ACSBG1: variants seen among roughly 807,000 people sequenced by gnomAD.
The protein encoded by ACSBG1 is acyl-CoA synthetase bubblegum family member 1.
ACSBG1 carries 39 observed loss-of-function variants against 80.2 expected under a neutral mutation model. The ratio of observed to expected loss-of-function variants is 0.49; its 90% confidence interval spans 0.38 to 0.64. The LOEUF is 0.64. ACSBG1 is among the 30% of genes least tolerant of loss of function. The probability of loss-of-function intolerance (pLI) is 0.00; values close to 1 mark genes in which losing one functional copy is unlikely to be tolerated. For missense variants in ACSBG1, 828 were observed against 966.4 expected (o/e 0.86, Z 1.90); for synonymous variants, 392 against 379.5 (o/e 1.03, Z -0.38).
chr15:78,223,028 G>A (rs887315967), intron 1 of ACSBG1, among the ~76,000 whole-genome samples: 4 of 152,130 alleles, frequency 2.6e-5, no homozygotes, highest in Non-Finnish European at 5.9e-5. Flanking sequence ...CAGAATCTGG[G>A]CTGGCCTTAG....
chr15:78,228,977 T>TA (rs1371671203), intron 1 of ACSBG1, among the ~76,000 whole-genome samples: 4 of 152,208 alleles, frequency 2.6e-5, no homozygotes, highest in Admixed American at 1.3e-4. Flanking sequence ...ACCGACATTT[T>TA]AAAAAAATGT....
chr15:78,218,193 G>T (rs936737924), intron 1 of ACSBG1, among the ~76,000 whole-genome samples: 3 of 146,036 alleles, frequency 2.1e-5, no homozygotes, highest in African/African-American at 7.6e-5. Flanking sequence ...CTCAAGATAG[G>T]TAATTCTCTA....
chr15:78,217,304 T>C (rs78595901), intron 1 of ACSBG1, among the ~76,000 whole-genome samples: 263 of 152,338 alleles, frequency 1.7e-3, no homozygotes, highest in Admixed American at 3.0e-3. Flanking sequence ...ACCCTCACTT[T>C]ACAGATGAGG....
At chr15:78,183,667 G>A (rs2074971988) in intron 5 of ACSBG1, among the ~76,000 whole-genome samples, 1 of 152,208 alleles carries the variant, frequency 6.6e-6, no homozygotes. Context: ...AGGGATGGAA[G>A]CAAAAATTCT....
chr15:78,188,065 C>A (rs973437945), intron 5 of ACSBG1, among the ~76,000 whole-genome samples: 15 of 152,296 alleles, frequency 9.8e-5, no homozygotes, highest in African/African-American at 3.6e-4. Context: ...TGCGTGAACT[C>A]CCATTCACAA....
intron 5 of ACSBG1, among the ~76,000 whole-genome samples, chr15:78,191,241 A>G (rs373386943): frequency 1.4e-4 from 21 of 152,256 alleles, no homozygotes; most frequent in African/African-American, 4.8e-4. Flanking sequence ...GCCTAATAAC[A>G]GAGCTCCAAA....
intron 2 of ACSBG1, among the ~76,000 whole-genome samples, chr15:78,195,887 GCAGA>G (rs1161861791): frequency 6.6e-6 from 1 of 152,166 alleles, no homozygotes; most frequent in Non-Finnish European, 1.5e-5. Flanking sequence ...CTTCCCTGAG[GCAGA>G]CAAATGAACT....
chr15:78,178,775 C>T lies in ACSBG1; in HGVS notation c.1541G>A (p.Gly514Asp), dbSNP rs1213070587. 1 of 1,614,024 alleles carries T rather than the reference C, an allele frequency of 6.2e-7. No homozygotes were observed. The change falls in exon 11 of 14, where the codon GGC becomes GAC. Residue 514 changes from glycine to aspartate, a missense_variant. Around this residue, in one of 3 missense-constraint regions of ACSBG1, gnomAD observed 271 missense variants for 375.9 expected, o/e 0.72. Coordinates refer to ENST00000258873, the MANE Select transcript of ACSBG1 (RefSeq NM_015162.5). The surrounding 1 kb of genome is among the most constrained non-coding windows in gnomAD (Gnocchi z 4.3). ...RVKLVNQDAEGIGEICLWGRT... is the reference protein window; with the variant it reads ...RVKLVNQDAEDIGEICLWGRT... Reference sequence around the variant, plus strand: ...GCCCCACAGGCAGATCTCGCCAATGCCCTCTGCGTCCTGGTTCACCAGCTT... The same window carrying T: ...GCCCCACAGGCAGATCTCGCCAATGTCCTCTGCGTCCTGGTTCACCAGCTT...
At position 78,180,807 on chromosome 15, in the gene ACSBG1, G is replaced by C; in HGVS notation, c.1201C>G (p.Leu401Val). Residue 401 changes from leucine (L) to valine (V), a missense_variant, in exon 9 of 14, where the codon CTG becomes GTG. Transcript: ENST00000258873. Reference sequence around the variant, plus strand: ...AAGGTCACCGACATGGCCCACAGCAGCATCTTTCGCCGGATGAAGCCAGAC... The same window carrying C: ...AAGGTCACCGACATGGCCCACAGCACCATCTTTCGCCGGATGAAGCCAGAC... ...AQSGFIRRKMLLWAMSVTLEQ... is the reference protein window; with the variant it reads ...AQSGFIRRKMVLWAMSVTLEQ... The C allele has an allele frequency of 6.2e-7, 1 of 1,614,226 alleles. No homozygotes were observed. The highest frequency in any genetic ancestry group is 8.5e-7 in the Non-Finnish European group (1 of 1,180,048).
At chr15:78,220,644 AAAACTGAG>A (rs1230722920) in intron 1 of ACSBG1, among the ~76,000 whole-genome samples, 1 of 152,266 alleles carries the variant, frequency 6.6e-6, no homozygotes, top group African/African-American at 2.4e-5. Flanking sequence ...TAATCCAGTT[AAAACTGAG>A]CAAAGGATTT....
chr15:78,228,058 C>G (rs1021723985), intron 1 of ACSBG1, among the ~76,000 whole-genome samples: 3 of 152,226 alleles, frequency 2.0e-5, no homozygotes, highest in Non-Finnish European at 4.4e-5. Flanking sequence ...CCACACCCAG[C>G]TGACATCTAA....
intron 5 of ACSBG1, among the ~76,000 whole-genome samples, chr15:78,184,348 CCT>C (rs1567082641): frequency 8.4e-6 from 1 of 119,760 alleles, no homozygotes; most frequent in Admixed American, 7.6e-5. Context: ...TTAAATTTTT[CCT>C]TTTTTTTTTT....
Position 78,172,845 on chromosome 15 carries a change from G to T in ACSBG1, c.2089+748C>A, listed in dbSNP as rs1034207606. On this transcript the variant is annotated intron_variant, in intron 13 of 13. Coordinates refer to ENST00000258873, the MANE Select transcript of ACSBG1 (RefSeq NM_015162.5). The surrounding 1 kb of genome is among the most constrained non-coding windows in gnomAD (Gnocchi z 4.1). ...TGCACCAGAGCCCTCTCCTGGTTCT[G>T]TGGGCAGTGGTCCGGAACAGCCTTA... 6.6e-6 allele frequency among the ~76,000 whole-genome samples: 1 copy of T among 152,220 alleles called. No homozygotes were observed. The highest frequency in any genetic ancestry group is 1.5e-5 in the Non-Finnish European group (1 of 68,034).
chr15:78,187,626 C>G (rs531564773), intron 5 of ACSBG1, among the ~76,000 whole-genome samples: 292 of 152,214 alleles, frequency 1.9e-3, no homozygotes, highest in Non-Finnish European at 3.6e-3. Context: ...ATTCAACAAC[C>G]CTTCATGATA....
In ACSBG1 at chr15:78,202,386, A is replaced by G. The variant is rs1447401940; in HGVS notation, c.232+5616T>C. Among the ~76,000 whole-genome samples, 3 of 151,754 alleles carry G rather than the reference A, an allele frequency of 2.0e-5. 1 individual carries two copies. The highest frequency in any genetic ancestry group is 4.2e-4 in the South Asian group (2 of 4,806). ...ACACCACGCCCAGCTAATTTTTTGT[A>G]TTTTAGTAGAGACGGGGTATCACTA... On this transcript the variant is annotated intron_variant, in intron 2 of 13. Coordinates refer to ENST00000258873, the MANE Select transcript of ACSBG1 (RefSeq NM_015162.5).
At chr15:78,229,477 G>A (rs533768490) in intron 1 of ACSBG1, among the ~76,000 whole-genome samples, 37 of 152,260 alleles carry the variant, frequency 2.4e-4, no homozygotes, top group African/African-American at 7.5e-4. Flanking sequence ...GAGGCAGAGC[G>A]CACTCTCTGT....
At chr15:78,196,177 C>A (rs1057121130) in intron 2 of ACSBG1, among the ~76,000 whole-genome samples, 1 of 152,194 alleles carries the variant, frequency 6.6e-6, no homozygotes, top group African/African-American at 2.4e-5. Context: ...TGCCACTGGC[C>A]ATGAGGGAGC....
chr15:78,195,872 C>T (rs1213857851), intron 2 of ACSBG1, among the ~76,000 whole-genome samples: 4 of 152,246 alleles, frequency 2.6e-5, no homozygotes, highest in African/African-American at 7.2e-5. Context: ...CTCCTGTCAC[C>T]GGTCCTTCCC....
At chr15:78,227,572 G>T (rs2075414721) in intron 1 of ACSBG1, among the ~76,000 whole-genome samples, 1 of 152,130 alleles carries the variant, frequency 6.6e-6, no homozygotes, top group South Asian at 2.1e-4. Context: ...AAAGATGTGG[G>T]AACTTCTGGC....
Sources: gnomAD v4.1 joint callset for allele counts (sites outside exome capture counted in the v4.1 genomes callset) on GRCh38, gnomAD v4.1.1 for gene constraint, gnomAD v4.1.1 regional missense constraint, Gnocchi (gnomAD v3.1) non-coding constraint, MANE v1.5 for transcripts, NCBI Gene and HGNC (gene_info 2026-07-23, HGNC 2026-07-21) for gene names.